The following DDX23 variants were observed in gnomAD, a reference collection of about 807,000 sequenced individuals.
DDX23 encodes the protein probable ATP-dependent RNA helicase DDX23.
A neutral mutation model predicts 102.7 loss-of-function variants in DDX23; 33 were observed. The observed-to-expected ratio is 0.32, with a 90% CI of 0.24 to 0.43. The LOEUF is 0.43. DDX23 is among the 20% of genes least tolerant of loss of function. DDX23 has a pLI of 1.00. For missense variants in DDX23, 549 were observed against 1,086.6 expected (o/e 0.51, Z 6.96); for synonymous variants, 352 against 376.0 (o/e 0.94, Z 0.74).
At position 48,830,744 on chromosome 12, in the gene DDX23, C is replaced by A. The variant is rs371243993; in HGVS notation, c.2240-52G>T. 10 of 1,521,174 alleles carry A rather than the reference C, an allele frequency of 6.6e-6. No individual in the cohort carries two copies. The highest frequency in any genetic ancestry group is 8.0e-6 in the Non-Finnish European group (9 of 1,123,222). The allele number at this position is 1,521,174 out of a possible 1,614,324, so 94.2% of individuals were successfully genotyped here. ...GCATAGCCCAGATGCCCTGGGGAGC[C>A]GTGTCTGATGCCTCCACTTCTAGAG... On this transcript the variant is annotated intron_variant, in intron 16 of 16. Transcript: ENST00000308025. The surrounding 1 kb of genome is among the most constrained non-coding windows in gnomAD (Gnocchi z 4.9).
intron 3 of DDX23, 36 bp downstream of exon 3, chr12:48,843,904 C>G: frequency 1.2e-6 from 2 of 1,601,266 alleles, no homozygotes; most frequent in East Asian, 2.2e-5. Context: ...GAAATGGGAG[C>G]ATTCCCCTAA....
intron 5 of DDX23, 73 bp downstream of exon 5, chr12:48,839,771 G>C (rs551179584): frequency 1.1e-5 from 17 of 1,492,474 alleles, no homozygotes; most frequent in Non-Finnish European, 1.5e-5. Flanking sequence ...AACTTCTGTC[G>C]TTGAAGTCAC....
chr12:48,841,290 G>A (rs1938546808), intron 3 of DDX23, among the ~76,000 whole-genome samples: 1 of 152,204 alleles, frequency 6.6e-6, no homozygotes. Flanking sequence ...GGAGGCTGAG[G>A]CAGGAAAATT....
At chr12:48,850,711 C>T (rs529670600) in intron 1 of DDX23, among the ~76,000 whole-genome samples, 3 of 152,108 alleles carry the variant, frequency 2.0e-5, no homozygotes, top group East Asian at 3.9e-4. Flanking sequence ...AGCATGGCAA[C>T]GAAGAAGCCA....
chr12:48,849,800 C>A (rs748685697), intron 1 of DDX23, among the ~76,000 whole-genome samples: 10 of 152,280 alleles, frequency 6.6e-5, no homozygotes, highest in South Asian at 2.1e-4. Flanking sequence ...AGGAAAATAT[C>A]GTCCAGGAAC....
At chr12:48,837,431 G>A (rs766680385) in intron 7 of DDX23, 38 bp from the exon 8 acceptor site, 6 of 1,612,686 alleles carry the variant, frequency 3.7e-6, no homozygotes, top group Non-Finnish European at 4.2e-6. Context: ...TGAGCTTTGA[G>A]GCCCAATTCT....
At position 48,830,799 on chromosome 12, in the gene DDX23, G is replaced by A. The variant is rs981568563; in HGVS notation, c.2240-107C>T. Reference sequence around the variant, plus strand: ...CCTTCCCACCCCATCTCCAAAGGCAGGAATACAGCACATGCTGCCTGAACC... The same window carrying A: ...CCTTCCCACCCCATCTCCAAAGGCAAGAATACAGCACATGCTGCCTGAACC... On this transcript the variant is annotated intron_variant, in intron 16 of 16. Transcript: ENST00000308025. This position sits in a 1 kb window ranked among gnomAD's most constrained non-coding sequence, Gnocchi z 4.9. 8.3e-7 allele frequency: 1 copy of A among 1,200,364 alleles called. No individual in the cohort carries two copies. Among genetic ancestry groups the A allele is most frequent in the Non-Finnish European group, 1.2e-6 (1 of 860,864 alleles). 74.4% of individuals were successfully genotyped at this position (1,200,364 alleles called of 1,614,324 possible). A position where few individuals can be genotyped will look rare whatever the true frequency, so the allele number is the denominator to read the frequency against.
intron 4 of DDX23, 50 bp from the exon 5 acceptor site, chr12:48,839,959 A>T: frequency 6.2e-7 from 1 of 1,613,294 alleles, no homozygotes; most frequent in Non-Finnish European, 8.5e-7. Context: ...CCCTTTAAAG[A>T]TCAACAAAGC....
Position 48,837,919 on chromosome 12 carries a change from C to T in DDX23, c.619+23G>A, listed in dbSNP as rs746059866. ...CACTCTTTCCTCTTCCATCTAGGGG[C>T]TACACAGGGTAGAATAACAAACCCA... On this transcript the variant is annotated intron_variant, in intron 6 of 16. Coordinates refer to ENST00000308025, the MANE Select transcript of DDX23 (RefSeq NM_004818.3). 9.9e-6 allele frequency: 16 copies of T among 1,612,024 alleles called. No homozygotes were observed. In the Admixed American group the frequency reaches 2.0e-4, roughly 20 times the overall value.
At position 48,845,632 on chromosome 12, in the gene DDX23, C is replaced by T; in HGVS notation, c.151G>A (p.Asp51Asn). 1.2e-6 allele frequency: 2 copies of T among 1,614,224 alleles called. No individual in the cohort carries two copies. The highest frequency in any genetic ancestry group is 1.7e-6 in the Non-Finnish European group (2 of 1,180,042). The change falls in exon 2 of 17, where the codon GAT becomes AAT. Residue 51 changes from aspartate (D) to asparagine (N), a missense_variant. Transcript: ENST00000308025. ...SKDRKRHRSRDRRRGGSRSRS... is the reference protein window; with the variant it reads ...SKDRKRHRSRNRRRGGSRSRS... ...GAACGGCTGCCTCCTCGACGTCTAT[C>T]CCTTGAACGATGCCGCTTTCTATCT...
In DDX23 at chr12:48,844,045, C is replaced by A. The variant is rs770776553; in HGVS notation, c.215G>T (p.Arg72Leu). The A allele has an allele frequency of 3.7e-6, 6 of 1,613,972 alleles. No homozygotes were observed. The highest frequency in any genetic ancestry group is 5.1e-6 in the Non-Finnish European group (6 of 1,179,996). The change falls in exon 3 of 17, where the codon CGA becomes CTA. Residue 72 changes from arginine to leucine, a missense_variant. By Grantham distance (102) the Arg-to-Leu change is moderately radical. Transcript: ENST00000308025. ...ATCTCGTTCTCGTTCTTTGTGCCGT[C>A]GTTCTCTGGAAGACCGCAAATTTAA... ...RSRSKSAERE[R>L]RHKERERDKE... is the part of the protein sequence containing the mutation.
At position 48,840,127 on chromosome 12, in the gene DDX23, G is replaced by A. The variant is rs371764869; in HGVS notation, c.321-21C>T. The A allele has an allele frequency of 8.2e-6, 13 of 1,586,640 alleles. No individual in the cohort carries two copies. The African/African-American group carries it at 1.6e-4, about 20-fold the overall frequency. On this transcript the variant is annotated intron_variant, in intron 3 of 16. Transcript: ENST00000308025. Reference sequence around the variant, plus strand: ...ATAAGCTTTGAGGAAAAGGAACAAGGTCCACATCACTCTTACTTCAGTGCC... The same window carrying A: ...ATAAGCTTTGAGGAAAAGGAACAAGATCCACATCACTCTTACTTCAGTGCC...
intron 1 of DDX23, among the ~76,000 whole-genome samples, chr12:48,850,225 C>CA (rs1190346308): frequency 1.3e-5 from 2 of 152,100 alleles, no homozygotes; most frequent in East Asian, 3.9e-4. Context: ...TAGGCAGCGT[C>CA]AGAGTATATT....
chr12:48,842,493 A>G (rs1158194805), intron 3 of DDX23, among the ~76,000 whole-genome samples: 92 of 36,312 alleles, frequency 2.5e-3, no homozygotes, highest in South Asian at 0.015. Context: ...GTCCGGGAGG[A>G]AGGTGGGGGG....
At position 48,836,960 on chromosome 12, in the gene DDX23, T is replaced by C. The variant is rs1182414239; in HGVS notation, c.944A>G (p.Glu315Gly). The part of the protein sequence containing the change: ...AGIDLKQQKR[E>G]QSRFYGDLME... The stretch of plus-strand genomic sequence containing the variant: ...TAGGTCTCCATAGAAACGTGACTGC[T>C]CTCGCTTCTGCTGCTTGAGGTCAAT... Residue 315 changes from glutamate to glycine, a missense_variant, in exon 9 of 17, where the codon GAG becomes GGG. Physicochemically the swap from Glu to Gly is moderately conservative, Grantham distance 98 (BLOSUM62 -2). Coordinates refer to ENST00000308025, the MANE Select transcript of DDX23 (RefSeq NM_004818.3). The surrounding 1 kb of genome is among the most constrained non-coding windows in gnomAD (Gnocchi z 6.1). 1 of 1,614,042 alleles carries C rather than the reference T, an allele frequency of 6.2e-7. No individual in the cohort carries two copies. Among genetic ancestry groups the C allele is most frequent in the African/African-American group, 1.3e-5 (1 of 75,018 alleles).
intron 12 of DDX23, 23 bp downstream of exon 12, chr12:48,834,297 G>T: frequency 6.3e-7 from 1 of 1,591,392 alleles, no homozygotes. Context: ...ACAGCAGGCT[G>T]GCTGCTAGAT....
chr12:48,835,897 A>G (rs919965811), intron 11 of DDX23, among the ~76,000 whole-genome samples: 5 of 152,224 alleles, frequency 3.3e-5, no homozygotes, highest in Non-Finnish European at 7.3e-5. Context: ...CCTCAAAAAA[A>G]TAAATAAAAT....
At chr12:48,834,172 C>T in intron 12 of DDX23, 148 bp downstream of exon 12, 1 of 647,694 alleles carries the variant, frequency 1.5e-6, no homozygotes, top group Non-Finnish European at 2.6e-6. Flanking sequence ...GTGATATAAA[C>T]CCTGGTGCAT....
At chr12:48,851,678 C>T (rs1938761743) in intron 1 of DDX23, among the ~76,000 whole-genome samples, 1 of 152,124 alleles carries the variant, frequency 6.6e-6, no homozygotes, top group Non-Finnish European at 1.5e-5. Flanking sequence ...TAATTAAGGA[C>T]GCGGAAAAGA....
Sources: gnomAD v4.1 joint callset for allele counts (sites outside exome capture counted in the v4.1 genomes callset) on GRCh38, gnomAD v4.1.1 for gene constraint, Gnocchi (gnomAD v3.1) non-coding constraint, MANE v1.5 for transcripts, NCBI Gene and HGNC (gene_info 2026-07-23, HGNC 2026-07-21) for gene names.